The following WDR48 variants were observed in gnomAD, a reference collection of about 807,000 sequenced individuals.
WDR48 encodes the protein WD repeat domain 48, also known as WD repeat-containing protein 48.
A neutral mutation model predicts 94.0 loss-of-function variants in WDR48; 22 were observed. The observed-to-expected ratio is 0.23, with a 90% CI of 0.17 to 0.33. WDR48 has a LOEUF of 0.33. Ranked by LOEUF, WDR48 falls within the 10% of genes least tolerant of loss-of-function variation. The pLI is 1.00. For synonymous variants in WDR48, 278 were observed against 280.5 expected (o/e 0.99, Z 0.09); for missense variants, 541 against 813.8 (o/e 0.66, Z 4.08).
At chr3:39,077,366 A>C (rs1259655039) in intron 9 of WDR48, among the ~76,000 whole-genome samples, 153 bp downstream of exon 9, 1 of 152,226 alleles carries the variant, frequency 6.6e-6, no homozygotes, top group African/African-American at 2.4e-5. Flanking sequence ...TGTAGGTAGA[A>C]TCCTAAAGAT....
At chr3:39,088,916 C>T (rs891052340) in intron 15 of WDR48, among the ~76,000 whole-genome samples, 1 of 152,128 alleles carries the variant, frequency 6.6e-6, no homozygotes, top group Non-Finnish European at 1.5e-5. Flanking sequence ...AAAGTCTCTG[C>T]CATGCACTGT....
At chr3:39,088,067 GT>G (rs2034899590) in intron 14 of WDR48, 60 bp from the exon 15 acceptor site, 1 of 1,508,708 alleles carries the variant, frequency 6.6e-7, no homozygotes, top group Non-Finnish European at 9.2e-7. Context: ...GGAGTAAAAT[GT>G]TTAGAATCTG....
At chr3:39,063,637 G>A (rs143780123) in intron 2 of WDR48, among the ~76,000 whole-genome samples, 2 of 152,154 alleles carry the variant, frequency 1.3e-5, no homozygotes, top group East Asian at 3.9e-4. Context: ...ACCCCACACG[G>A]CCTAACTAGG....
intron 14 of WDR48, 64 bp downstream of exon 14, chr3:39,085,674 T>TA (rs1575430193): frequency 7.4e-7 from 1 of 1,360,126 alleles, no homozygotes. Context: ...AGGTACTTAC[T>TA]AAAAGGTACT....
intron 8 of WDR48, 107 bp from the exon 9 acceptor site, chr3:39,077,032 T>G: frequency 1.6e-6 from 2 of 1,246,898 alleles, no homozygotes; most frequent in Non-Finnish European, 2.3e-6. Flanking sequence ...CCAGGTATAG[T>G]CACCACAATT....
chr3:39,060,874 C>T (rs1482872007), intron 1 of WDR48, among the ~76,000 whole-genome samples: 4 of 151,980 alleles, frequency 2.6e-5, no homozygotes, highest in Non-Finnish European at 5.9e-5. Context: ...GGCTGAGGCA[C>T]GAGAATTGCT....
chr3:39,093,120 G>T (rs1319787858), intron 17 of WDR48, among the ~76,000 whole-genome samples: 1 of 152,256 alleles, frequency 6.6e-6, no homozygotes, highest in African/African-American at 2.4e-5. Context: ...CCAGCTGTTG[G>T]GTTTGTGGTT....
intron 11 of WDR48, among the ~76,000 whole-genome samples, chr3:39,082,746 G>C (rs1457046862): frequency 1.3e-5 from 2 of 152,202 alleles, no homozygotes; most frequent in African/African-American, 4.8e-5. Context: ...TTGAATTTGA[G>C]TTTCTGTGGG....
At chr3:39,078,833 A>G (rs1456390935) in intron 10 of WDR48, among the ~76,000 whole-genome samples, 2 of 151,766 alleles carry the variant, frequency 1.3e-5, no homozygotes, top group Non-Finnish European at 2.9e-5. Flanking sequence ...GATCGAGACC[A>G]TCCCGGCTAA....
chr3:39,085,700 C>A, intron 14 of WDR48, 90 bp downstream of exon 14: 1 of 1,092,880 alleles, frequency 9.2e-7, no homozygotes. Flanking sequence ...AAACCGTTAG[C>A]TAAAATATTT....
At chr3:39,053,163 C>T (rs2032590276) in intron 1 of WDR48, among the ~76,000 whole-genome samples, 1 of 152,192 alleles carries the variant, frequency 6.6e-6, no homozygotes, top group Non-Finnish European at 1.5e-5. Flanking sequence ...ATTTACCTAG[C>T]ACTTAGGGTG....
intron 15 of WDR48, 107 bp downstream of exon 15, chr3:39,088,340 T>C (rs1005600584): frequency 1.8e-6 from 2 of 1,117,618 alleles, no homozygotes; most frequent in African/African-American, 3.1e-5. Flanking sequence ...TATTATTAAA[T>C]TCTAGGGATG....
At chr3:39,058,016 A>T (rs2033009827) in intron 1 of WDR48, among the ~76,000 whole-genome samples, 1 of 152,232 alleles carries the variant, frequency 6.6e-6, no homozygotes, top group South Asian at 2.1e-4. Flanking sequence ...ACTATTGTAC[A>T]TTGTTGTGTT....
chr3:39,091,852 C>A, intron 17 of WDR48, 151 bp downstream of exon 17: 1 of 663,296 alleles, frequency 1.5e-6, no homozygotes, highest in Non-Finnish European at 2.4e-6. Context: ...TTACCAGGTA[C>A]CAACTTTGGC....
In WDR48 at chr3:39,075,526, A is replaced by G. The variant is rs562426680; in HGVS notation, c.897+576A>G. ...CCACTGCCTCAGAGCAGCCCTAACC[A>G]TCAGGATCTGCCATGTGGGTCAAAG... On this transcript the variant is annotated intron_variant, in intron 8 of 18. Coordinates refer to ENST00000302313, the MANE Select transcript of WDR48 (RefSeq NM_020839.4). 3.9e-5 allele frequency among the ~76,000 whole-genome samples: 6 copies of G among 152,124 alleles called. No homozygotes were observed. In the South Asian group the frequency reaches 1.2e-3, roughly 32 times the overall value.
chr3:39,073,785 A>G (rs1465458696), intron 7 of WDR48, among the ~76,000 whole-genome samples: 1 of 152,226 alleles, frequency 6.6e-6, no homozygotes, highest in African/African-American at 2.4e-5. Flanking sequence ...CTTGAGGCTC[A>G]TATGGAAAGT....
chr3:39,060,196 C>T (rs1023736577), intron 1 of WDR48, among the ~76,000 whole-genome samples: 5 of 152,050 alleles, frequency 3.3e-5, no homozygotes, highest in Admixed American at 6.5e-5. Context: ...TGTTTAATTA[C>T]TCTATGTTCA....
chr3:39,085,664 A>AAT, intron 14 of WDR48, 54 bp downstream of exon 14: 13 of 1,460,404 alleles, frequency 8.9e-6, no homozygotes, highest in Non-Finnish European at 1.2e-5. Context: ...CTTACTTAAA[A>AAT]GGTACTTACT....
At chr3:39,055,333 A>G (rs919083072) in intron 1 of WDR48, among the ~76,000 whole-genome samples, 1 of 152,124 alleles carries the variant, frequency 6.6e-6, no homozygotes, top group Non-Finnish European at 1.5e-5. Context: ...CTAAAAATAT[A>G]AAAATTGCCG....
Sources: gnomAD v4.1 joint callset for allele counts (sites outside exome capture counted in the v4.1 genomes callset) on GRCh38, gnomAD v4.1.1 for gene constraint, MANE v1.5 for transcripts, NCBI Gene and HGNC (gene_info 2026-07-23, HGNC 2026-07-21) for gene names.